Variants in NCF2 observed in about 807,000 individuals in gnomAD.
The protein encoded by NCF2 is neutrophil cytosol factor 2.
A neutral mutation model predicts 70.9 loss-of-function variants in NCF2; 45 were observed. The observed-to-expected ratio is 0.63, with a 90% CI of 0.50 to 0.81. NCF2 has a LOEUF of 0.81. Ranked by LOEUF, NCF2 falls within the 40% of genes least tolerant of loss-of-function variation. NCF2 has a pLI of 0.00. For missense variants in NCF2, 522 were observed against 631.6 expected, an observed-to-expected ratio of 0.83 and a Z score of 1.86; for synonymous variants, 203 against 233.6, an observed-to-expected ratio of 0.87 and a Z score of 1.19.
At position 183,577,657 on chromosome 1, in the gene NCF2, C is replaced by T. The variant is rs748898061; in HGVS notation, c.308G>A (p.Gly103Glu). 5 of 1,614,108 alleles carry T rather than the reference C, an allele frequency of 3.1e-6. No homozygotes were observed. In the East Asian group the frequency reaches 1.1e-4, roughly 36 times the overall value. ...DLKEALIQLR[G>E]NQLIDYKILG... ...GATCTTATAGTCTATCAGCTGGTTCCCTCGAAGCTGAATCAAGGCTTCTTT... is the reference window on the plus strand; with the variant it reads ...GATCTTATAGTCTATCAGCTGGTTCTCTCGAAGCTGAATCAAGGCTTCTTT... Residue 103 changes from glycine (G) to glutamate (E), a missense_variant, in exon 3 of 15, where the codon GGG becomes GAG. By Grantham distance (98) the Gly-to-Glu change is moderately conservative. Transcript: ENST00000367535.
chr1:183,599,743 G>A, the NCF2 span, among the ~76,000 whole-genome samples: 8 of 151,930 alleles, frequency 5.3e-5, no homozygotes, highest in African/African-American at 1.7e-4. Flanking sequence ...AGTAGAGACA[G>A]GGCTTCTCCA....
Position 183,590,321 on chromosome 1 carries a change from C to T in NCF2, c.9G>A (p.Leu3=), listed in dbSNP as rs756851268. Residue 3 remains leucine (L), a synonymous_variant, in exon 1 of 15, where the codon CTG becomes CTA. Coordinates refer to ENST00000367535, the MANE Select transcript of NCF2 (RefSeq NM_000433.4). The part of the protein sequence containing the change: MS[L]VEAISLWNEG... ...CATTCCAGAGGCTGATGGCCTCCAC[C>T]AGGGACATGATTAGGTAGAAACTAG... The T allele has an allele frequency of 1.4e-5, 22 of 1,613,956 alleles. 1 individual carries two copies. In the South Asian group the frequency reaches 2.1e-4, roughly 15 times the overall value.
Position 183,555,922 on chromosome 1 carries a change from C to T in NCF2, c.*196G>A, listed in dbSNP as rs1671749692. 2 of 631,450 alleles carry T rather than the reference C, an allele frequency of 3.2e-6. No individual in the cohort carries two copies. The highest frequency in any genetic ancestry group is 3.7e-5 in the South Asian group (2 of 53,986). 39.1% of individuals were successfully genotyped at this position (631,450 alleles called of 1,614,324 possible). A position where few individuals can be genotyped will look rare whatever the true frequency, so the allele number is the denominator to read the frequency against. ...AACTCCTCCATTCACCTGTCCCCAT[C>T]TCCTCACCCACTGTGCCCCAGGAAA... On this transcript the variant is annotated 3_prime_UTR_variant, in exon 15 of 15. Transcript: ENST00000367535.
intron 2 of NCF2, among the ~76,000 whole-genome samples, chr1:183,579,318 T>C (rs1482148736): frequency 6.6e-6 from 1 of 152,170 alleles, no homozygotes; most frequent in Non-Finnish European, 1.5e-5. Flanking sequence ...AGCATATGGA[T>C]CCCACTTCTG....
intron 2 of NCF2, among the ~76,000 whole-genome samples, chr1:183,581,770 C>T (rs909102075): frequency 1.3e-5 from 2 of 152,026 alleles, no homozygotes; most frequent in African/African-American, 4.8e-5. Flanking sequence ...CCGGTTCACG[C>T]CATTCTCCTG....
intron 12 of NCF2, 23 bp from the exon 13 acceptor site, chr1:183,563,329 A>C: frequency 6.2e-7 from 1 of 1,613,828 alleles, no homozygotes; most frequent in Non-Finnish European, 8.5e-7. Flanking sequence ...AATGAGTAAG[A>C]ATCCAGTCAA....
chr1:183,585,533 G>A (rs1004117776), intron 2 of NCF2, among the ~76,000 whole-genome samples: 1 of 151,232 alleles, frequency 6.6e-6, no homozygotes, highest in East Asian at 1.9e-4. Flanking sequence ...GCTGAGGCAA[G>A]AGAATTGTTT....
At chr1:183,591,423 A>T (rs1673639611), upstream of NCF2, among the ~76,000 whole-genome samples, 1 of 152,110 alleles carries the variant, frequency 6.6e-6, no homozygotes, top group African/African-American at 2.4e-5. Context: ...AATTATCATT[A>T]ACAAATTTTT....
intron 4 of NCF2, among the ~76,000 whole-genome samples, chr1:183,573,953 G>A (rs1453365406): frequency 6.6e-6 from 1 of 152,168 alleles, no homozygotes; most frequent in African/African-American, 2.4e-5. Flanking sequence ...AGCCAGGCAT[G>A]GTGGCATGCA....
upstream of NCF2, among the ~76,000 whole-genome samples, chr1:183,593,548 C>A (rs935624438): frequency 3.3e-5 from 5 of 152,158 alleles, no homozygotes; most frequent in Non-Finnish European, 5.9e-5. Flanking sequence ...TATGAGCCAG[C>A]CTCTTCCTCC....
Position 183,555,823 on chromosome 1 carries a change from A to G in NCF2, c.*295T>C. Reference sequence around the variant, plus strand: ...CAGCTGGCTAGCTAGCACTCAGAGCAAGAAACAGGATCAGTACCTGGAAGA... The same window carrying G: ...CAGCTGGCTAGCTAGCACTCAGAGCGAGAAACAGGATCAGTACCTGGAAGA... On this transcript the variant is annotated 3_prime_UTR_variant, in exon 15 of 15. Coordinates refer to ENST00000367535, the MANE Select transcript of NCF2 (RefSeq NM_000433.4). 2.2e-6 allele frequency: 1 copy of G among 464,232 alleles called. No homozygotes were observed. 28.8% of individuals were successfully genotyped at this position (464,232 alleles called of 1,614,324 possible). A position where few individuals can be genotyped will look rare whatever the true frequency, so the allele number is the denominator to read the frequency against.
chr1:183,569,172 G>C lies in NCF2; in HGVS notation c.683C>G (p.Pro228Arg). Residue 228 changes from proline to arginine, a missense_variant, in exon 7 of 15, where the codon CCA becomes CGA. Transcript: ENST00000367535. ...GATCTCTGGGGTTTTCGGTCTGGGTGGAGGCTCAGCTGCCTATTGAACATT... is the reference window on the plus strand; with the variant it reads ...GATCTCTGGGGTTTTCGGTCTGGGTCGAGGCTCAGCTGCCTATTGAACATT... ...APLQPQAAEP[P>R]PRPKTPEIFR... 1 of 1,614,146 alleles carries C rather than the reference G, an allele frequency of 6.2e-7. No homozygotes were observed.
In NCF2 at chr1:183,574,475, C is replaced by T. The variant is rs911048373; in HGVS notation, c.501+12G>A. The T allele has an allele frequency of 2.5e-6, 4 of 1,613,976 alleles. No individual in the cohort carries two copies. The highest frequency in any genetic ancestry group is 2.7e-5 in the African/African-American group (2 of 74,928). ...GACATCCTCTCAACACCTGCATCAC[C>T]AATACGCTTACCCAGACACACTCCA... On this transcript the variant is annotated intron_variant, in intron 4 of 14. Coordinates refer to ENST00000367535, the MANE Select transcript of NCF2 (RefSeq NM_000433.4).
chr1:183,556,186 T>G lies in NCF2; in HGVS notation c.1513A>C (p.Ile505Leu). ...TCTTCAACAAAAACTTTGGGGAAAA[T>G]GCCCACCTTCCCTTTGCACTCCCCT... The part of the protein sequence containing the change: ...LEGECKGKVG[I>L]FPKVFVEDCA... The change falls in exon 15 of 15, where the codon ATT becomes CTT. Residue 505 changes from isoleucine to leucine, a missense_variant. Ile to Leu is a conservative substitution (Grantham distance 5). Transcript: ENST00000367535. The G allele has an allele frequency of 6.2e-7, 1 of 1,614,162 alleles. No homozygotes were observed. Among genetic ancestry groups the G allele is most frequent in the East Asian group, 2.2e-5 (1 of 44,876 alleles).
intron 2 of NCF2, 80 bp downstream of exon 2, chr1:183,586,803 GAAGGTACTGCTC>G: frequency 8.7e-7 from 1 of 1,143,144 alleles, no homozygotes; most frequent in Non-Finnish European, 1.3e-6. Flanking sequence ...CAGAGGTTGG[GAAGGTACTGCTC>G]AAACACCAAG....
rs185482181 is a variant in NCF2, at chr1:183,563,823, T to A, written c.1026+182A>T. ...GCCCACTAGCTTGGGTAGTAGGAAG[T>A]GTGTGCATGATAGTGGAGGAGGCTA... On this transcript the variant is annotated intron_variant, in intron 11 of 14. Transcript: ENST00000367535. The A allele has an allele frequency of 6.2e-5, 51 of 820,896 alleles. 1 individual carries two copies. The East Asian group carries it at 1.2e-3, about 19-fold the overall frequency. The allele number at this position is 820,896 out of a possible 1,614,324, so 50.9% of individuals were successfully genotyped here.
At chr1:183,560,054 T>C (rs1671972079) in intron 14 of NCF2, 42 bp downstream of exon 14, 14 of 1,593,988 alleles carry the variant, frequency 8.8e-6, no homozygotes, top group Non-Finnish European at 1.2e-5. Flanking sequence ...TTGTTTCTGC[T>C]AACATGTAAA....
intron 4 of NCF2, among the ~76,000 whole-genome samples, 198 bp from the exon 5 acceptor site, chr1:183,573,490 A>G (rs1438404812): frequency 3.9e-5 from 6 of 152,154 alleles, no homozygotes; most frequent in Non-Finnish European, 8.8e-5. Flanking sequence ...GCGAGGCCAC[A>G]TGGACATTGC....
upstream of NCF2, among the ~76,000 whole-genome samples, chr1:183,594,322 C>T (rs10797889): frequency 0.45 from 68,404 of 151,918 alleles, 15,845 homozygotes; most frequent in African/African-American, 0.52. Context: ...GTGGGAGGAT[C>T]ATTTGAGCTC....
Sources: allele counts gnomAD v4.1 joint callset (sites outside exome capture counted in the v4.1 genomes callset), GRCh38; gene constraint gnomAD v4.1.1; transcripts MANE v1.5; gene names NCBI Gene and HGNC (gene_info 2026-07-23, HGNC 2026-07-21).